Variants in PPP2R5E observed in about 807,000 individuals in gnomAD.
PPP2R5E encodes the protein serine/threonine-protein phosphatase 2A 56 kDa regulatory subunit epsilon isoform.
PPP2R5E carries 4 observed loss-of-function variants against 65.3 expected under a neutral mutation model. That is an observed-to-expected ratio of 0.06 (90% CI 0.03 to 0.14). PPP2R5E has a LOEUF of 0.14. PPP2R5E is among the 10% of genes least tolerant of loss of function. The pLI, the probability that PPP2R5E is intolerant of heterozygous loss-of-function variation, is 1.00. For synonymous variants in PPP2R5E, 183 were observed against 187.4 expected, an observed-to-expected ratio of 0.98 and a Z score of 0.19; for missense variants, 274 against 556.1, an observed-to-expected ratio of 0.49 and a Z score of 5.10.
chr14:63,404,384 C>T (rs1885949606), intron 5 of PPP2R5E, among the ~76,000 whole-genome samples: 1 of 152,156 alleles, frequency 6.6e-6, no homozygotes, highest in African/African-American at 2.4e-5. Context: ...AATCAGATGT[C>T]CACATTTCTG....
intron 5 of PPP2R5E, among the ~76,000 whole-genome samples, chr14:63,400,553 T>C (rs2139815664): frequency 6.6e-6 from 1 of 152,310 alleles, no homozygotes; most frequent in African/African-American, 2.4e-5. Context: ...CTGAGTTCTT[T>C]CTATGTGCCA....
intron 2 of PPP2R5E, among the ~76,000 whole-genome samples, chr14:63,538,385 G>T (rs137909163): frequency 2.6e-5 from 4 of 151,564 alleles, no homozygotes; most frequent in South Asian, 2.1e-4. Flanking sequence ...TCGGCTTCCC[G>T]AGTAGCTGGG....
rs995904196 is a variant in PPP2R5E, at chr14:63,542,767, G to A, written c.-8+12C>T. On this transcript the variant is annotated intron_variant, in intron 1 of 13. Transcript: ENST00000337537. ...AAGCGGGCGAGCCGCGGTGCTGGAG[G>A]GACTAAGTTACCTTGAAGCTTCTGG... 1.3e-5 allele frequency: 2 copies of A among 154,116 alleles called. No homozygotes were observed. Among genetic ancestry groups the A allele is most frequent in the Non-Finnish European group, 2.9e-5 (2 of 68,426 alleles). The allele number at this position is 154,116 out of a possible 1,614,324, so 9.5% of individuals were successfully genotyped here.
At chr14:63,426,941 T>G (rs1398372127) in intron 3 of PPP2R5E, among the ~76,000 whole-genome samples, 1 of 152,152 alleles carries the variant, frequency 6.6e-6, no homozygotes, top group African/African-American at 2.4e-5. Flanking sequence ...TTAGTCCAAT[T>G]TGGGAAAAGG....
At chr14:63,523,393 T>A (rs981432039) in intron 2 of PPP2R5E, among the ~76,000 whole-genome samples, 1 of 152,176 alleles carries the variant, frequency 6.6e-6, no homozygotes, top group East Asian at 1.9e-4. Flanking sequence ...GGGATCCTGT[T>A]GATCTGTGAC....
chr14:63,534,360 G>T (rs1893574925), intron 2 of PPP2R5E, among the ~76,000 whole-genome samples: 1 of 151,900 alleles, frequency 6.6e-6, no homozygotes. Flanking sequence ...CACCTCCCGG[G>T]GTCAAGTGAT....
intron 2 of PPP2R5E, chr14:63,508,139 C>T: frequency 1.0e-6 from 1 of 985,410 alleles, no homozygotes; most frequent in Non-Finnish European, 1.2e-6. Context: ...GTGTTCTCTT[C>T]CAGCCCCTGC....
chr14:63,390,174 C>T (rs1032045534), intron 10 of PPP2R5E, among the ~76,000 whole-genome samples: 2 of 152,064 alleles, frequency 1.3e-5, no homozygotes, highest in Admixed American at 1.3e-4. Flanking sequence ...GCCCCTGCTA[C>T]ATGCTCAATG....
intron 2 of PPP2R5E, among the ~76,000 whole-genome samples, chr14:63,486,870 G>T (rs1891025862): frequency 2.0e-5 from 3 of 152,152 alleles, no homozygotes; most frequent in Admixed American, 2.0e-4. Flanking sequence ...CCCTGAACCT[G>T]ATGTGATCTC....
intron 2 of PPP2R5E, among the ~76,000 whole-genome samples, chr14:63,507,147 G>A (rs529069699): frequency 1.3e-5 from 2 of 152,308 alleles, no homozygotes; most frequent in East Asian, 3.9e-4. Context: ...GGGGCACAAG[G>A]GAGGATCTCA....
At chr14:63,530,906 C>T (rs1223921186) in intron 2 of PPP2R5E, among the ~76,000 whole-genome samples, 5 of 152,184 alleles carry the variant, frequency 3.3e-5, no homozygotes, top group Non-Finnish European at 5.9e-5. Flanking sequence ...TGTGAGCCAC[C>T]GCGCCTGGCC....
At chr14:63,520,463 G>T (rs115933148) in intron 2 of PPP2R5E, among the ~76,000 whole-genome samples, 3 of 152,120 alleles carry the variant, frequency 2.0e-5, no homozygotes, top group Non-Finnish European at 4.4e-5. Context: ...TTCTATCTTT[G>T]TCTGTTCAGG....
rs1883967436 is a variant in PPP2R5E, at chr14:63,376,112, A to T, written c.1305-4T>A. 6.4e-7 allele frequency: 1 copy of T among 1,565,664 alleles called. No individual in the cohort carries two copies. Among genetic ancestry groups the T allele is most frequent in the Non-Finnish European group, 8.8e-7 (1 of 1,136,616 alleles). ...CTCCTTTTCTTTCTTTTTCTCACTG[A>T]GGAAGAAACAGAATACAATGTAAAC... On this transcript the variant is annotated splice_polypyrimidine_tract_variant and splice_region_variant and intron_variant, in intron 13 of 13. Transcript: ENST00000337537.
intron 2 of PPP2R5E, among the ~76,000 whole-genome samples, chr14:63,457,616 T>C (rs773847505): frequency 3.3e-5 from 5 of 152,184 alleles, no homozygotes; most frequent in Non-Finnish European, 5.9e-5. Context: ...CCGTCACCTA[T>C]CTTCCAGTGA....
At chr14:63,478,287 T>C (rs1385870221) in intron 2 of PPP2R5E, among the ~76,000 whole-genome samples, 1 of 152,218 alleles carries the variant, frequency 6.6e-6, no homozygotes, top group African/African-American at 2.4e-5. Context: ...GTTTCACAAT[T>C]ACTCAGGATC....
intron 2 of PPP2R5E, among the ~76,000 whole-genome samples, chr14:63,517,565 A>G (rs1283550172): frequency 4.6e-5 from 7 of 152,152 alleles, no homozygotes; most frequent in Non-Finnish European, 8.8e-5. Flanking sequence ...TACGTAAACC[A>G]TCACAAATCC....
intron 3 of PPP2R5E, among the ~76,000 whole-genome samples, chr14:63,422,575 A>G (rs1029242329): frequency 6.6e-6 from 1 of 151,992 alleles, no homozygotes; most frequent in Non-Finnish European, 1.5e-5. Flanking sequence ...AAACACAAAA[A>G]ATTAGCCGGG....
intron 2 of PPP2R5E, among the ~76,000 whole-genome samples, chr14:63,486,293 T>TTTACACACAC (rs1555365081): frequency 1.6e-5 from 2 of 127,956 alleles, no homozygotes; most frequent in South Asian, 5.3e-4. Flanking sequence ...CTTTCCCCAT[T>TTTACACACAC]ACACACACAC....
chr14:63,500,293 T>A (rs910457182), intron 2 of PPP2R5E, among the ~76,000 whole-genome samples: 2 of 152,052 alleles, frequency 1.3e-5, no homozygotes, highest in African/African-American at 4.8e-5. Flanking sequence ...CCTAGATTTA[T>A]TTTGACTTTA....
Sources: allele counts gnomAD v4.1 joint callset (sites outside exome capture counted in the v4.1 genomes callset), GRCh38; gene constraint gnomAD v4.1.1; transcripts MANE v1.5; gene names NCBI Gene and HGNC (gene_info 2026-07-23, HGNC 2026-07-21).